GON4L: variants seen among roughly 807,000 people sequenced by gnomAD.
The protein encoded by GON4L is GON-4-like protein.
A neutral mutation model predicts 211.8 loss-of-function variants in GON4L; 87 were observed. The observed-to-expected ratio is 0.41, with a 90% CI of 0.35 to 0.49. The LOEUF is 0.49. Among genes scored for constraint, GON4L ranks in the 20% least tolerant of loss-of-function variants. The probability of loss-of-function intolerance (pLI) is 0.15; values close to 1 mark genes in which losing one functional copy is unlikely to be tolerated. For missense variants in GON4L, 2,155 were observed against 2,659.5 expected (o/e 0.81, Z 4.17); for synonymous variants, 875 against 962.6 (o/e 0.91, Z 1.68).
chr1:155,821,392 C>T, intron 5 of GON4L, 82 bp downstream of exon 5: 1 of 837,816 alleles, frequency 1.2e-6, no homozygotes, highest in East Asian at 2.5e-5. Context: ...TGTTTACAAA[C>T]TCCTAAGTGA....
intron 11 of GON4L, among the ~76,000 whole-genome samples, chr1:155,802,337 T>C (rs1449112896): frequency 1.3e-5 from 2 of 151,804 alleles, no homozygotes; most frequent in Non-Finnish European, 2.9e-5. Context: ...CTTTAATTGT[T>C]TTATTTCTGT....
intron 2 of GON4L, among the ~76,000 whole-genome samples, chr1:155,829,666 A>T (rs1189984713): frequency 6.6e-6 from 1 of 152,214 alleles, no homozygotes; most frequent in Non-Finnish European, 1.5e-5. Context: ...TGTTATCAAC[A>T]TACAGTTCTC....
At chr1:155,797,673 C>T (rs1345383502) in intron 11 of GON4L, among the ~76,000 whole-genome samples, 2 of 149,566 alleles carry the variant, frequency 1.3e-5, no homozygotes, top group Non-Finnish European at 3.0e-5. Context: ...GTGAGACCCC[C>T]CCCCTCCCGT....
chr1:155,806,818 G>A (rs902666472), intron 10 of GON4L, among the ~76,000 whole-genome samples: 2 of 152,002 alleles, frequency 1.3e-5, no homozygotes, highest in South Asian at 4.1e-4. Flanking sequence ...GTATAATACC[G>A]CTGGCTGAAT....
intron 24 of GON4L, among the ~76,000 whole-genome samples, chr1:155,758,894 TAAAAC>T (rs1661468057): frequency 6.6e-6 from 1 of 150,778 alleles, no homozygotes; most frequent in African/African-American, 2.5e-5. Flanking sequence ...ACAACAACAA[TAAAAC>T]AACAACAACA....
intron 15 of GON4L, among the ~76,000 whole-genome samples, chr1:155,776,836 A>T (rs1663869265): frequency 6.6e-6 from 1 of 152,178 alleles, no homozygotes; most frequent in East Asian, 1.9e-4. Flanking sequence ...TACAGGTGTG[A>T]GCCACCGTAA....
rs751453860 is a variant in GON4L, at chr1:155,766,321, G to T, written c.3152C>A (p.Thr1051Lys). The T allele has an allele frequency of 6.2e-7, 1 of 1,614,136 alleles. No homozygotes were observed. Reference protein sequence around the residue: ...HPIQPATVLQTVPGVPPLGVS... With the variant: ...HPIQPATVLQKVPGVPPLGVS... Reference sequence around the variant, plus strand: ...CCCCAGTGGAGGGACACCTGGAACTGTCTGTAAAACAGTGGCTGGCTGTAT... The same window carrying T: ...CCCCAGTGGAGGGACACCTGGAACTTTCTGTAAAACAGTGGCTGGCTGTAT... Residue 1051 changes from threonine (T) to lysine (K), a missense_variant, in exon 21 of 32, where the codon ACA (threonine) becomes AAA (lysine). Physicochemically the swap from Thr to Lys is moderately conservative, Grantham distance 78 (BLOSUM62 -1). This residue lies in a region of GON4L where 615 missense variants were observed against 625.7 expected (regional missense o/e 0.98). Transcript: ENST00000368331.
Position 155,807,730 on chromosome 1 carries a change from A to AAAAAC in GON4L, c.1453-2590_1453-2589insGTTTT, listed in dbSNP as rs1395575383. Among the ~76,000 whole-genome samples the AAAAAC allele has an allele frequency of 1.1e-3, 158 of 143,884 alleles. 2 individuals carry two copies. The highest frequency in any genetic ancestry group is 3.3e-3 in the African/African-American group (125 of 38,452). The allele number at this position is 143,884 out of a possible 152,430, so 94.4% of individuals were successfully genotyped here. ...AAAAAAAAAAAAAAAAAAAAAGAAAATCAGAAAGTGTGAGACCTCCATCTT... is the reference window on the plus strand; with the variant it reads ...AAAAAAAAAAAAAAAAAAAAAGAAAAAAAACTCAGAAAGTGTGAGACCTCCATCTT... On this transcript the variant is annotated intron_variant, in intron 10 of 31. Transcript: ENST00000368331.
chr1:155,845,485 T>C lies in GON4L; in HGVS notation c.505+7791A>G, dbSNP rs562966496. On this transcript the variant is annotated intron_variant, in intron 2 of 31. Coordinates refer to ENST00000368331, the MANE Select transcript of GON4L (RefSeq NM_001282860.2). ...TTGGAAACCAGAAATGCATTCTTCATGTGCTTTTGCGGTCATGGCAAATGA... is the reference window on the plus strand; with the variant it reads ...TTGGAAACCAGAAATGCATTCTTCACGTGCTTTTGCGGTCATGGCAAATGA... The C allele has an allele frequency of 1.1e-5, 4 of 350,882 alleles. No homozygotes were observed. The East Asian group carries it at 3.3e-4, about 29-fold the overall frequency. The allele number at this position is 350,882 out of a possible 1,614,324, so 21.7% of individuals were successfully genotyped here.
rs759813866 is a variant in GON4L at position 155,757,274 on chromosome 1, T to C, written c.5303A>G (p.Asp1768Gly). Reference sequence around the variant, plus strand: ...GTGGTCAAAGAAGATAGAAAACTCATCCTGCAGGTGGTCGTGGCCCTTGAG... The same window carrying C: ...GTGGTCAAAGAAGATAGAAAACTCACCCTGCAGGTGGTCGTGGCCCTTGAG... ...QLLKGHDHLQ[D>G]EFSIFFDHLR... The change falls in exon 26 of 32, where the codon GAT (aspartate) becomes GGT (glycine). Residue 1768 changes from aspartate (D) to glycine (G), a missense_variant. Asp to Gly is a moderately conservative substitution (Grantham distance 94). This residue lies in a region of GON4L where 455 missense variants were observed against 504.6 expected (regional missense o/e 0.90). Coordinates refer to ENST00000368331, the MANE Select transcript of GON4L (RefSeq NM_001282860.2). 6.2e-7 allele frequency: 1 copy of C among 1,613,874 alleles called. No individual in the cohort carries two copies. The highest frequency in any genetic ancestry group is 1.1e-5 in the South Asian group (1 of 91,080).
intron 12 of GON4L, 81 bp downstream of exon 12, chr1:155,794,969 T>A: frequency 1.2e-6 from 1 of 828,492 alleles, no homozygotes; most frequent in Non-Finnish European, 2.1e-6. Flanking sequence ...AGCTGCAAAC[T>A]TCACCCCTAA....
chr1:155,819,148 A>G (rs1668516982), intron 6 of GON4L, among the ~76,000 whole-genome samples: 1 of 139,706 alleles, frequency 7.2e-6, no homozygotes, highest in Non-Finnish European at 1.6e-5. Context: ...AAAAAATACA[A>G]AAAAATTAGC....
At chr1:155,773,811 T>C (rs1228669075) in intron 17 of GON4L, among the ~76,000 whole-genome samples, 1 of 152,180 alleles carries the variant, frequency 6.6e-6, no homozygotes, top group Non-Finnish European at 1.5e-5. Flanking sequence ...ACTATATCCA[T>C]ATTTCTCCTT....
intron 10 of GON4L, among the ~76,000 whole-genome samples, chr1:155,805,937 C>T (rs1428825753): frequency 6.6e-6 from 1 of 151,760 alleles, no homozygotes; most frequent in Admixed American, 6.6e-5. Flanking sequence ...TATCTGCCCA[C>T]CTCAGCCTCC....
intron 19 of GON4L, among the ~76,000 whole-genome samples, chr1:155,768,621 A>T: frequency 6.6e-6 from 1 of 152,050 alleles, no homozygotes; most frequent in African/African-American, 2.4e-5. Flanking sequence ...AAAAAAAAAA[A>T]AAAAAATTGA....
At position 155,765,684 on chromosome 1, in the gene GON4L, C is replaced by T. The variant is rs675918; in HGVS notation, c.3789G>A (p.Pro1263=). 41 of 1,614,044 alleles carry T rather than the reference C, an allele frequency of 2.5e-5. No homozygotes were observed. Among genetic ancestry groups the T allele is most frequent in the Middle Eastern group, 1.6e-4 (1 of 6,084 alleles). Residue 1263 remains proline (P), a synonymous_variant, in exon 21 of 32, where the codon CCG becomes CCA. Coordinates refer to ENST00000368331, the MANE Select transcript of GON4L (RefSeq NM_001282860.2). The part of the protein sequence containing the change: ...ELSPLSATVF[P]KVEHSPGPPL... Reference sequence around the variant, plus strand: ...GAGGCCCTGGGCTATGTTCCACTTTCGGGAAAACAGTAGCAGAGAGAGGAG... The same window carrying T: ...GAGGCCCTGGGCTATGTTCCACTTTTGGGAAAACAGTAGCAGAGAGAGGAG...
intron 12 of GON4L, among the ~76,000 whole-genome samples, chr1:155,793,743 G>A (rs562238671): frequency 6.6e-6 from 1 of 152,166 alleles, no homozygotes; most frequent in African/African-American, 2.4e-5. Context: ...TGAGTAGCTA[G>A]GACTACAGGT....
intron 5 of GON4L, among the ~76,000 whole-genome samples, 194 bp from the exon 6 acceptor site, chr1:155,820,850 C>T (rs1215749747): frequency 1.3e-5 from 2 of 152,084 alleles, no homozygotes; most frequent in African/African-American, 4.8e-5. Context: ...TGGGCATAGT[C>T]GCATGTTCCT....
At position 155,754,394 on chromosome 1, in the gene GON4L, C is replaced by T. The variant is rs199826575; in HGVS notation, c.5612G>A (p.Cys1871Tyr). ...SKLKKSKRRS[C>Y]SHCSSKVCDS... Reference sequence around the variant, plus strand: ...CCTCACCTTGCTGCTACAGTGGCTACAGCTCCGCCTTTTGCTCTTCTTCAG... The same window carrying T: ...CCTCACCTTGCTGCTACAGTGGCTATAGCTCCGCCTTTTGCTCTTCTTCAG... The change falls in exon 28 of 32, where the codon TGT becomes TAT. Residue 1871 changes from cysteine to tyrosine, a missense_variant. By Grantham distance (194) the Cys-to-Tyr change is radical. Around this residue, in one of 6 missense-constraint regions of GON4L, gnomAD observed 455 missense variants for 504.6 expected, o/e 0.90. Coordinates refer to ENST00000368331, the MANE Select transcript of GON4L (RefSeq NM_001282860.2). The T allele has an allele frequency of 1.1e-5, 18 of 1,608,120 alleles. No homozygotes were observed. Among genetic ancestry groups the T allele is most frequent in the African/African-American group, 6.7e-5 (5 of 74,840 alleles).
Sources: allele counts gnomAD v4.1 joint callset (sites outside exome capture counted in the v4.1 genomes callset), GRCh38; gene constraint gnomAD v4.1.1; regional missense constraint gnomAD v4.1.1; transcripts MANE v1.5; gene names NCBI Gene and HGNC (gene_info 2026-07-23, HGNC 2026-07-21).